TMEM18: variants seen among roughly 807,000 people sequenced by gnomAD.
TMEM18 encodes the protein transmembrane protein 18.
TMEM18 carries 14 observed loss-of-function variants against 17.4 expected under a neutral mutation model. That is an observed-to-expected ratio of 0.80 (90% CI 0.53 to 1.25). The LOEUF (loss-of-function observed/expected upper bound fraction) is 1.25, where lower values mean the gene tolerates loss of function less well. TMEM18 is among the 50% of genes most tolerant of loss of function. TMEM18 has a pLI of 0.00. For missense variants in TMEM18, 187 were observed against 172.1 expected, an observed-to-expected ratio of 1.09 and a Z score of -0.48; for synonymous variants, 86 against 66.1, an observed-to-expected ratio of 1.30 and a Z score of -1.46.
In TMEM18 at chr2:669,441, C is replaced by T; in HGVS notation, c.*139G>A. Reference sequence around the variant, plus strand: ...AAAGCCAACTTCAGTGTGTGCCCTACCACTGTGGATATTTAAATAAAACAA... The same window carrying T: ...AAAGCCAACTTCAGTGTGTGCCCTATCACTGTGGATATTTAAATAAAACAA... On this transcript the variant is annotated 3_prime_UTR_variant, in exon 5 of 5. Coordinates refer to ENST00000281017, the MANE Select transcript of TMEM18 (RefSeq NM_152834.4). The T allele has an allele frequency of 1.2e-6, 1 of 855,812 alleles. No individual in the cohort carries two copies. 53.0% of individuals were successfully genotyped at this position (855,812 alleles called of 1,614,324 possible). A position where few individuals can be genotyped will look rare whatever the true frequency, so the allele number is the denominator to read the frequency against.
chr2:672,826 G>C lies in TMEM18; in HGVS notation c.215C>G (p.Ala72Gly), dbSNP rs149085075. ...LVYCAEYINE[A>G]AAMNWRLFSK... ...GGCTCACCTCCAGTTCATCGCAGCC[G>C]CCTCATTGATGTATTCAGCACAGTA... The change falls in exon 3 of 5, where the codon GCG (alanine) becomes GGG (glycine). Residue 72 changes from alanine to glycine, a missense_variant. Physicochemically the swap from Ala to Gly is moderately conservative, Grantham distance 60. Transcript: ENST00000281017. The C allele has an allele frequency of 1.4e-6, 2 of 1,479,318 alleles. No individual in the cohort carries two copies. The highest frequency in any genetic ancestry group is 8.9e-7 in the Non-Finnish European group (1 of 1,119,710). The allele number at this position is 1,479,318 out of a possible 1,614,324, so 91.6% of individuals were successfully genotyped here.
In TMEM18 at chr2:668,965, C is replaced by T. The variant is rs1250277815; in HGVS notation, c.*615G>A. 6.6e-6 allele frequency: 1 copy of T among 152,334 alleles called. No individual in the cohort carries two copies. Among genetic ancestry groups the T allele is most frequent in the Admixed American group, 6.5e-5 (1 of 15,292 alleles). 9.4% of individuals were successfully genotyped at this position (152,334 alleles called of 1,614,324 possible). A position where few individuals can be genotyped will look rare whatever the true frequency, so the allele number is the denominator to read the frequency against. On this transcript the variant is annotated 3_prime_UTR_variant, in exon 5 of 5. Coordinates refer to ENST00000281017, the MANE Select transcript of TMEM18 (RefSeq NM_152834.4). ...TTTTCCAAGAGCTTCCTTCCAAGGT[C>T]TCTCTGCCCCAGCACAGCTGACATT...
At position 664,959 on chromosome 2, in the gene TMEM18, G is replaced by A. The variant is rs1007196371; in HGVS notation, c.*4621C>T. On this transcript the variant is annotated 3_prime_UTR_variant, in exon 5 of 5. Coordinates refer to ENST00000281017, the MANE Select transcript of TMEM18 (RefSeq NM_152834.4). ...AGTGAAATAGCATCATGATAATAGG[G>A]ACTACATTACTTTATAGAAGATAGA... 6.6e-6 allele frequency among the ~76,000 whole-genome samples: 1 copy of A among 152,172 alleles called. No individual in the cohort carries two copies. The highest frequency in any genetic ancestry group is 2.4e-5 in the African/African-American group (1 of 41,436).
chr2:667,243 G>T lies in TMEM18; in HGVS notation c.*2337C>A, dbSNP rs929730384. The T allele has an allele frequency of 1.3e-5, 2 of 151,976 alleles. No homozygotes were observed. Among genetic ancestry groups the T allele is most frequent in the Admixed American group, 6.6e-5 (1 of 15,260 alleles). 9.4% of individuals were successfully genotyped at this position (151,976 alleles called of 1,614,324 possible). A position where few individuals can be genotyped will look rare whatever the true frequency, so the allele number is the denominator to read the frequency against. On this transcript the variant is annotated 3_prime_UTR_variant, in exon 5 of 5. Transcript: ENST00000281017. ...CAGCAAAGGGACCTGCCAGCCAAAG[G>T]TGGAGCTAAGTTCCAGGTGCTCCTG...
rs74164457 is a variant in TMEM18 at position 676,480 on chromosome 2, T to TAA, written c.57+808_57+809insTT. 2.4e-3 allele frequency: 3,500 copies of TAA among 1,473,956 alleles called. 952 individuals are homozygous for TAA. Among genetic ancestry groups the TAA allele is most frequent in the Non-Finnish European group, 2.7e-3 (2,978 of 1,092,538 alleles). The allele number at this position is 1,473,956 out of a possible 1,614,324, so 91.3% of individuals were successfully genotyped here. ...CCGGCACAGCCCTCCAGAACTCCTG[T>TAA]GTCACTACTCTCTGCTGGGGACCGC... On this transcript the variant is annotated intron_variant, in intron 1 of 4. Transcript: ENST00000281017.
chr2:668,079 G>GCAGCAGGAGAGAGACAGTGA lies in TMEM18; in HGVS notation c.*1481_*1500dup, dbSNP rs1678740575. On this transcript the variant is annotated 3_prime_UTR_variant, in exon 5 of 5. Coordinates refer to ENST00000281017, the MANE Select transcript of TMEM18 (RefSeq NM_152834.4). ...GAGAAACAAGCACCTTCTTCACAAG[G>GCAGCAGGAGAGAGACAGTGA]CAGCAGGAGAGAGACAGTGACAGCA... The GCAGCAGGAGAGAGACAGTGA allele has an allele frequency of 6.6e-6, 1 of 152,226 alleles. No homozygotes were observed. Among genetic ancestry groups the GCAGCAGGAGAGAGACAGTGA allele is most frequent in the Admixed American group, 6.5e-5 (1 of 15,290 alleles). The allele number at this position is 152,226 out of a possible 1,614,324, so 9.4% of individuals were successfully genotyped here. A position where few individuals can be genotyped will look rare whatever the true frequency, so the allele number is the denominator to read the frequency against.
chr2:671,389 C>T lies in TMEM18; in HGVS notation c.233+1419G>A, dbSNP rs369830279. 6.0e-5 allele frequency among the ~76,000 whole-genome samples: 9 copies of T among 149,882 alleles called. No individual in the cohort carries two copies. In the East Asian group the frequency reaches 7.9e-4, roughly 13 times the overall value. On this transcript the variant is annotated intron_variant, in intron 3 of 4. Coordinates refer to ENST00000281017, the MANE Select transcript of TMEM18 (RefSeq NM_152834.4). The stretch of plus-strand genomic sequence containing the variant: ...CTGAACCATGTGAAGGCCCTGCATC[C>T]GGGAGGAGAGGCAGGGTCCTCCTGG...
chr2:676,364 G>T (rs1229536928), intron 1 of TMEM18: 21 of 1,416,124 alleles, frequency 1.5e-5, no homozygotes, highest in Non-Finnish European at 9.4e-7. Context: ...CTCCTTGAGC[G>T]CCCTCCTGCA....
At chr2:675,866 A>G (rs1321854206) in intron 1 of TMEM18, 14 of 1,495,490 alleles carry the variant, frequency 9.4e-6, no homozygotes, top group Non-Finnish European at 1.2e-5. Flanking sequence ...ACTATAATTC[A>G]TGGAATTCAA....
intron 1 of TMEM18, 192 bp downstream of exon 1, chr2:677,097 A>G (rs1363189277): frequency 1.7e-6 from 1 of 588,698 alleles, no homozygotes; most frequent in Non-Finnish European, 2.8e-6. Context: ...CCCCGCCCAC[A>G]GCGCGCGCCC....
In TMEM18 at chr2:665,100, A is replaced by G. The variant is rs1042614617; in HGVS notation, c.*4480T>C. ...GGTAAGGCAGAGGAAAGACCAGCAC[A>G]TGGAGGGCCAAGCTGTGAGTGAGTT... is the stretch of plus-strand genomic sequence containing the variant. On this transcript the variant is annotated 3_prime_UTR_variant, in exon 5 of 5. Transcript: ENST00000281017. Among the ~76,000 whole-genome samples the G allele has an allele frequency of 2.0e-5, 3 of 152,238 alleles. No homozygotes were observed. The highest frequency in any genetic ancestry group is 4.4e-5 in the Non-Finnish European group (3 of 68,036).
At chr2:669,885 A>T in intron 3 of TMEM18, 35 bp from the exon 4 acceptor site, 1 of 1,535,860 alleles carries the variant, frequency 6.5e-7, no homozygotes, top group Non-Finnish European at 8.9e-7. Flanking sequence ...ATTACTAGGC[A>T]ATACAACCAA....
rs1423192052 is a variant in TMEM18 at position 666,799 on chromosome 2, A to C, written c.*2781T>G. On this transcript the variant is annotated 3_prime_UTR_variant, in exon 5 of 5. Coordinates refer to ENST00000281017, the MANE Select transcript of TMEM18 (RefSeq NM_152834.4). ...ACCAGCAAGAGGGGCTTCAGTAAAG[A>C]GGGGAAGGCTGCACTGAAAACATGT... is the stretch of plus-strand genomic sequence containing the variant. Among the ~76,000 whole-genome samples the C allele has an allele frequency of 6.6e-6, 1 of 152,058 alleles. No homozygotes were observed. Among genetic ancestry groups the C allele is most frequent in the Non-Finnish European group, 1.5e-5 (1 of 68,000 alleles).
At chr2:676,246 C>A in intron 1 of TMEM18, 1 of 1,422,180 alleles carries the variant, frequency 7.0e-7, no homozygotes, top group Non-Finnish European at 9.4e-7. Context: ...TACCTGGGGA[C>A]AGTGTCTGGC....
At chr2:670,098 A>AC in intron 3 of TMEM18, 1 of 448,316 alleles carries the variant, frequency 2.2e-6, no homozygotes, top group Non-Finnish European at 4.0e-6. Flanking sequence ...CACAGGAAAG[A>AC]CCCCGAGGCC....
At chr2:676,292 C>A in intron 1 of TMEM18, 1 of 1,480,508 alleles carries the variant, frequency 6.8e-7, no homozygotes, top group Non-Finnish European at 9.0e-7. Context: ...AGATCCACTG[C>A]TGCTCAGTCC....
At chr2:674,750 C>A (rs1678950893) in intron 2 of TMEM18, among the ~76,000 whole-genome samples, 1 of 152,240 alleles carries the variant, frequency 6.6e-6, no homozygotes, top group Non-Finnish European at 1.5e-5. Flanking sequence ...TTTTAACTAC[C>A]AAGCAAAATC....
Position 666,107 on chromosome 2 carries a change from G to A in TMEM18, c.*3473C>T, listed in dbSNP as rs1332531565. On this transcript the variant is annotated 3_prime_UTR_variant, in exon 5 of 5. Transcript: ENST00000281017. ...CAGATGCCCAGCTCACTCAGATGAAGCATCAACCCCATGCACAACAGGGCC... is the reference window on the plus strand; with the variant it reads ...CAGATGCCCAGCTCACTCAGATGAAACATCAACCCCATGCACAACAGGGCC... Among the ~76,000 whole-genome samples the A allele has an allele frequency of 6.6e-6, 1 of 152,242 alleles. No homozygotes were observed. Among genetic ancestry groups the A allele is most frequent in the African/African-American group, 2.4e-5 (1 of 41,468 alleles).
intron 1 of TMEM18, chr2:675,848 T>C: frequency 6.6e-7 from 1 of 1,514,982 alleles, no homozygotes; most frequent in Non-Finnish European, 8.8e-7. Context: ...GATTCTCCCC[T>C]CAGTGCAACT....
Sources: allele counts gnomAD v4.1 joint callset (sites outside exome capture counted in the v4.1 genomes callset), GRCh38; gene constraint gnomAD v4.1.1; transcripts MANE v1.5; gene names NCBI Gene and HGNC (gene_info 2026-07-23, HGNC 2026-07-21).